CRACD: variants seen among roughly 807,000 people sequenced by gnomAD.
CRACD encodes the protein capping protein inhibiting regulator of actin dynamics.
A neutral mutation model predicts 106.8 loss-of-function variants in CRACD; 56 were observed. The observed-to-expected ratio is 0.52, with a 90% confidence interval of 0.42 to 0.66. The LOEUF is 0.66. CRACD is among the 30% of genes least tolerant of loss of function. CRACD has a pLI of 0.00. For synonymous variants in CRACD, 754 were observed against 670.8 expected, an observed-to-expected ratio of 1.12 and a Z score of -1.92; for missense variants, 1,730 against 1,623.2, an observed-to-expected ratio of 1.07 and a Z score of -1.13.
intron 1 of CRACD, among the ~76,000 whole-genome samples, chr4:56,109,806 C>A (rs1002622234): frequency 6.7e-6 from 1 of 149,750 alleles, no homozygotes; most frequent in Non-Finnish European, 1.5e-5. Context: ...AAAAAAGACA[C>A]GAGATGGAAA....
At chr4:56,192,637 A>G (rs1205649075) in intron 2 of CRACD, among the ~76,000 whole-genome samples, 2 of 152,216 alleles carry the variant, frequency 1.3e-5, no homozygotes, top group African/African-American at 4.8e-5. Flanking sequence ...AGTCTAATAT[A>G]TACCATATCA....
intron 1 of CRACD, among the ~76,000 whole-genome samples, chr4:56,138,898 C>CT (rs1262903304): frequency 2.0e-5 from 3 of 152,292 alleles, no homozygotes; most frequent in African/African-American, 7.2e-5. Context: ...AAGAGATCTT[C>CT]TATTTTCTCA....
rs1158485001 is a variant in CRACD, at chr4:56,327,686, A to T, written c.3584A>T (p.Glu1195Val). ...DSAPPAPLVK[E>V]VTKRFSTPDA... ...GCTCCCCCAGCGCCGCTGGTAAAAG[A>T]AGTCACCAAGAGGTTTTCCACCCCG... The change falls in exon 11 of 11, where the codon GAA becomes GTA. Residue 1195 changes from glutamate (E) to valine (V), a missense_variant. Transcript: ENST00000682029. The T allele has an allele frequency of 6.2e-6, 10 of 1,614,016 alleles. No individual in the cohort carries two copies. In the Admixed American group the frequency reaches 8.3e-5, roughly 13 times the overall value.
At chr4:56,081,894 T>G (rs1228044016) in intron 1 of CRACD, among the ~76,000 whole-genome samples, 1 of 152,062 alleles carries the variant, frequency 6.6e-6, no homozygotes, top group Non-Finnish European at 1.5e-5. Flanking sequence ...GAGAATTGCT[T>G]GGACCCGGGA....
At chr4:56,051,409 G>GT (rs962846128) in intron 1 of CRACD, among the ~76,000 whole-genome samples, 1 of 152,062 alleles carries the variant, frequency 6.6e-6, no homozygotes, top group Non-Finnish European at 1.5e-5. Flanking sequence ...CTCTTGGGTG[G>GT]TTTTTTTCAT....
At chr4:56,088,343 T>G (rs1733303090) in intron 1 of CRACD, among the ~76,000 whole-genome samples, 1 of 151,946 alleles carries the variant, frequency 6.6e-6, no homozygotes, top group Non-Finnish European at 1.5e-5. Context: ...CCCAGCTTAT[T>G]TATTTATTTT....
At chr4:56,118,990 A>G (rs536630140) in intron 1 of CRACD, among the ~76,000 whole-genome samples, 17 of 152,334 alleles carry the variant, frequency 1.1e-4, no homozygotes, top group Non-Finnish European at 2.2e-4. Context: ...AAACATACAG[A>G]ACAATACAGC....
At position 56,298,354 on chromosome 4, in the gene CRACD, G is replaced by A. The variant is rs1744173605; in HGVS notation, c.120+5G>A. ...GGCAAAGTCAAAACTCTTCAGGTAA[G>A]ACAGCTTGAGAGTGGAATTACGAGC... On this transcript the variant is annotated splice_donor_5th_base_variant and intron_variant, in intron 4 of 10. Transcript: ENST00000682029. 1 of 1,613,634 alleles carries A rather than the reference G, an allele frequency of 6.2e-7. No individual in the cohort carries two copies. The highest frequency in any genetic ancestry group is 1.1e-5 in the South Asian group (1 of 90,936).
chr4:56,159,346 A>G (rs114633575), intron 1 of CRACD, among the ~76,000 whole-genome samples: 2 of 152,184 alleles, frequency 1.3e-5, no homozygotes, highest in African/African-American at 4.8e-5. Flanking sequence ...TGCTGAGGTC[A>G]TCAGTGCTAA....
At chr4:56,172,020 CTTTT>C (rs35574683) in intron 1 of CRACD, among the ~76,000 whole-genome samples, 1 of 106,368 alleles carries the variant, frequency 9.4e-6, no homozygotes. Context: ...GAGGGTTTCT[CTTTT>C]TTTTTTTTTT....
chr4:56,201,967 G>T (rs1022611319), intron 2 of CRACD, among the ~76,000 whole-genome samples: 4 of 152,300 alleles, frequency 2.6e-5, no homozygotes, highest in Admixed American at 2.0e-4. Flanking sequence ...ACAAGTTATT[G>T]TTCAGCATTA....
intron 4 of CRACD, among the ~76,000 whole-genome samples, chr4:56,302,737 C>T (rs1400520845): frequency 1.3e-5 from 2 of 151,874 alleles, no homozygotes; most frequent in Non-Finnish European, 2.9e-5. Context: ...TTTTTTTCTG[C>T]TTTGCTCTTT....
chr4:56,133,703 C>T (rs572417437), intron 1 of CRACD, among the ~76,000 whole-genome samples: 2 of 152,190 alleles, frequency 1.3e-5, no homozygotes, highest in South Asian at 4.1e-4. Context: ...AAAAATTAAG[C>T]TGAATTGGTT....
intron 2 of CRACD, among the ~76,000 whole-genome samples, chr4:56,256,575 G>A (rs1040775080): frequency 6.6e-6 from 1 of 152,074 alleles, no homozygotes; most frequent in African/African-American, 2.4e-5. Context: ...CTGTGAACTG[G>A]GCATTGTCTG....
intron 1 of CRACD, among the ~76,000 whole-genome samples, chr4:56,171,274 A>G (rs1285417957): frequency 2.6e-5 from 4 of 152,186 alleles, no homozygotes; most frequent in African/African-American, 9.6e-5. Context: ...TAAAAAAAAA[A>G]AAAGAAAGAC....
intron 2 of CRACD, among the ~76,000 whole-genome samples, chr4:56,197,316 G>A (rs75729497): frequency 4.0e-5 from 6 of 151,692 alleles, no homozygotes; most frequent in Admixed American, 3.9e-4. Flanking sequence ...TTTCCTCTGT[G>A]GGGTATTTTT....
chr4:56,287,192 A>G (rs568903929), intron 3 of CRACD, among the ~76,000 whole-genome samples: 18 of 152,296 alleles, frequency 1.2e-4, no homozygotes, highest in African/African-American at 4.1e-4. Flanking sequence ...TGACGTGATC[A>G]TAACTCACTG....
chr4:56,309,721 G>A (rs907375876), intron 5 of CRACD, among the ~76,000 whole-genome samples: 1 of 152,154 alleles, frequency 6.6e-6, no homozygotes. Context: ...GGATGCGGTG[G>A]CGCATGCCTG....
intron 1 of CRACD, among the ~76,000 whole-genome samples, chr4:56,128,573 C>T (rs996635574): frequency 6.6e-6 from 1 of 152,050 alleles, no homozygotes; most frequent in Admixed American, 6.6e-5. Context: ...AGGAAGGTGC[C>T]TCAATTTTTA....
Sources: allele counts gnomAD v4.1 joint callset (sites outside exome capture counted in the v4.1 genomes callset), GRCh38; gene constraint gnomAD v4.1.1; transcripts MANE v1.5; gene names NCBI Gene and HGNC (gene_info 2026-07-23, HGNC 2026-07-21).